TTC6: variants seen among roughly 807,000 people sequenced by gnomAD.
TTC6 encodes the protein tetratricopeptide repeat protein 6.
In TTC6, 172 loss-of-function variants were observed where a neutral mutation model predicts 210.4. The ratio of observed to expected loss-of-function variants is 0.82; its 90% CI spans 0.72 to 0.93. The LOEUF (loss-of-function observed/expected upper bound fraction) is 0.93, where lower values mean the gene tolerates loss of function less well. Among genes scored for constraint, TTC6 ranks in the 40% least tolerant of loss-of-function variants. TTC6 has a pLI of 0.00. For missense variants in TTC6, 2,414 were observed against 2,318.1 expected (o/e 1.04, Z -0.85); for synonymous variants, 804 against 819.6 (o/e 0.98, Z 0.32).
intron 14 of TTC6, among the ~76,000 whole-genome samples, chr14:37,763,237 T>C (rs12883675): frequency 0.41 from 62,342 of 151,902 alleles, 13,998 homozygotes; most frequent in Non-Finnish European, 0.5. Flanking sequence ...TCATATTTTA[T>C]TGATGATTTT....
intron 7 of TTC6, among the ~76,000 whole-genome samples, chr14:37,727,736 A>C (rs2095876560): frequency 6.6e-6 from 1 of 151,998 alleles, no homozygotes; most frequent in African/African-American, 2.4e-5. Flanking sequence ...TTTATTTTCA[A>C]AGTAATTTCT....
intron 20 of TTC6, among the ~76,000 whole-genome samples, chr14:37,802,737 CT>C (rs35779497): frequency 0.84 from 114,694 of 136,368 alleles, 48,069 homozygotes; most frequent in Non-Finnish European, 0.88. Flanking sequence ...TCTTTTTTCT[CT>C]TTTTTTTTTT....
chr14:37,827,269 T>C, exon 29 of TTC6: 1 of 1,613,252 alleles, frequency 6.2e-7, no homozygotes, highest in South Asian at 1.1e-5. Flanking sequence ...CAGAATGCAA[T>C]GAAAGACTAC....
At chr14:37,773,818 A>G (rs770241801) in intron 14 of TTC6, among the ~76,000 whole-genome samples, 1 of 152,206 alleles carries the variant, frequency 6.6e-6, no homozygotes, top group Non-Finnish European at 1.5e-5. Flanking sequence ...TTTGATAGGA[A>G]TATTATTGAA....
chr14:37,763,608 C>G (rs921942237), intron 14 of TTC6, among the ~76,000 whole-genome samples: 1 of 152,020 alleles, frequency 6.6e-6, no homozygotes, highest in Non-Finnish European at 1.5e-5. Context: ...TCATAGTATT[C>G]TTTTACATAA....
intron 14 of TTC6, among the ~76,000 whole-genome samples, chr14:37,777,099 T>G: frequency 6.6e-6 from 1 of 152,190 alleles, no homozygotes. Flanking sequence ...TTATGTAGTA[T>G]TTTGCAGGGG....
intron 29 of TTC6, among the ~76,000 whole-genome samples, chr14:37,839,277 T>A (rs1476015547): frequency 6.6e-6 from 1 of 152,220 alleles, no homozygotes; most frequent in African/African-American, 2.4e-5. Flanking sequence ...GTAAAAGCAT[T>A]CCTGTTTCTC....
At position 37,672,821 on chromosome 14, in the gene TTC6, A is replaced by ATTTTTTTTTTTTTTTTTTT. The variant is rs377117749; in HGVS notation, c.940-7329_940-7311dup. Among the ~76,000 whole-genome samples the ATTTTTTTTTTTTTTTTTTT allele has an allele frequency of 2.9e-3, 380 of 128,874 alleles. 13 individuals carry two copies. The highest frequency in any genetic ancestry group is 0.011 in the African/African-American group (365 of 32,362). The allele number at this position is 128,874 out of a possible 152,430, so 84.5% of individuals were successfully genotyped here. ...TAAGCAAGCTTTTCATGAATTCCTCATTTTTTTTTTTTTTTTTTTACTAAA... is the reference window on the plus strand; with the variant it reads ...TAAGCAAGCTTTTCATGAATTCCTCATTTTTTTTTTTTTTTTTTTTTTTTTTTTTTTTTTTTTTACTAAA... On this transcript the variant is annotated intron_variant, in intron 1 of 30. Coordinates refer to ENST00000553443, the Ensembl canonical transcript of TTC6.
At chr14:37,737,822 T>G (rs2095906124) in intron 9 of TTC6, 88 bp downstream of exon 11, 1 of 651,954 alleles carries the variant, frequency 1.5e-6, no homozygotes, top group South Asian at 2.3e-5. Context: ...TAAAAGCATC[T>G]ACTTCTATAT....
At chr14:37,637,317 T>C (rs762506783) in intron 1 of TTC6, among the ~76,000 whole-genome samples, 1 of 152,252 alleles carries the variant, frequency 6.6e-6, no homozygotes, top group Non-Finnish European at 1.5e-5. Flanking sequence ...CATTGGACTT[T>C]ACCCAAATTA....
Position 37,680,149 on chromosome 14 carries a change from A to G in TTC6, c.940-2A>G. On this transcript the variant is annotated splice_acceptor_variant, in intron 1 of 30. Coordinates refer to ENST00000553443, the Ensembl canonical transcript of TTC6. LOFTEE classifies it high-confidence loss of function. ...TCACTTTGTTTCCTTTTCTCATTCA[A>G]GGATATTTCTTTAATGGGAAAAATG... 1.3e-6 allele frequency: 2 copies of G among 1,511,748 alleles called. No individual in the cohort carries two copies. Among genetic ancestry groups the G allele is most frequent in the Non-Finnish European group, 1.8e-6 (2 of 1,130,768 alleles). The allele number at this position is 1,511,748 out of a possible 1,614,324, so 93.6% of individuals were successfully genotyped here.
chr14:37,787,623 A>T (rs758578170), exon 15 of TTC6: 25 of 1,479,344 alleles, frequency 1.7e-5, no homozygotes, highest in Non-Finnish European at 4.5e-6. Flanking sequence ...GCGCTACAGG[A>T]TTATAGTGTT....
chr14:37,722,069 T>G (rs988845703), intron 6 of TTC6, among the ~76,000 whole-genome samples: 4 of 151,920 alleles, frequency 2.6e-5, no homozygotes, highest in African/African-American at 9.7e-5. Context: ...ACCTTGACCC[T>G]GAAACTAATT....
chr14:37,821,707 T>G (rs1453362688), intron 26 of TTC6, among the ~76,000 whole-genome samples: 1 of 151,582 alleles, frequency 6.6e-6, no homozygotes, highest in East Asian at 1.9e-4. Context: ...CCTTTCAGTT[T>G]CAAAATGAAT....
intron 1 of TTC6, among the ~76,000 whole-genome samples, chr14:37,602,764 G>A (rs1171031086): frequency 6.6e-6 from 1 of 152,134 alleles, no homozygotes; most frequent in Non-Finnish European, 1.5e-5. Flanking sequence ...AGAGGGGGTC[G>A]GAACTTGGAT....
chr14:37,636,181 G>T (rs112567400), intron 1 of TTC6, among the ~76,000 whole-genome samples: 2 of 152,014 alleles, frequency 1.3e-5, no homozygotes. Context: ...TTAAAAACGC[G>T]TAACACCCTT....
intron 5 of TTC6, among the ~76,000 whole-genome samples, chr14:37,712,599 A>G (rs555556362): frequency 6.6e-6 from 1 of 152,318 alleles, no homozygotes; most frequent in East Asian, 1.9e-4. Context: ...GGAAACTTAC[A>G]ATCATGGTGG....
chr14:37,802,590 C>T (rs569107898), intron 20 of TTC6, among the ~76,000 whole-genome samples: 6 of 152,174 alleles, frequency 3.9e-5, no homozygotes, highest in East Asian at 1.9e-4. Flanking sequence ...GCCCAATCTC[C>T]GGACCTGTGG....
upstream of TTC6, chr14:37,622,063 A>G: frequency 2.0e-6 from 3 of 1,516,926 alleles, no homozygotes; most frequent in Non-Finnish European, 2.6e-6. Context: ...AAATTTGTCA[A>G]GATGTCCACA....
Sources: gnomAD v4.1 joint callset for allele counts (sites outside exome capture counted in the v4.1 genomes callset) on GRCh38, gnomAD v4.1.1 for gene constraint, MANE v1.5 for transcripts, NCBI Gene and HGNC (gene_info 2026-07-23, HGNC 2026-07-21) for gene names.